The following COL5A3 variants were observed in gnomAD, a reference collection of about 807,000 sequenced individuals.
COL5A3 encodes collagen type V alpha 3 chain.
In COL5A3, 172 loss-of-function variants were observed where a neutral mutation model predicts 250.0. The ratio of observed to expected loss-of-function variants is 0.69; its 90% CI spans 0.61 to 0.78. The LOEUF is 0.78. Ranked by LOEUF, COL5A3 falls within the 30% of genes least tolerant of loss-of-function variation. COL5A3 has a pLI of 0.00. For missense variants in COL5A3, 2,340 were observed against 2,334.4 expected, an observed-to-expected ratio of 1.00 and a Z score of -0.05; for synonymous variants, 937 against 900.4, an observed-to-expected ratio of 1.04 and a Z score of -0.73.
rs760411375 is a variant in COL5A3, at chr19:9,960,652, C to T, written c.5090G>A (p.Arg1697Gln). 35 of 1,613,836 alleles carry T rather than the reference C, an allele frequency of 2.2e-5. No individual in the cohort carries two copies. The highest frequency in any genetic ancestry group is 1.0e-4 in the Admixed American group (6 of 59,988). The change falls in exon 66 of 67, where the codon CGG becomes CAG. Residue 1697 changes from arginine to glutamine, a missense_variant and splice_region_variant. Coordinates refer to ENST00000264828, the MANE Select transcript of COL5A3 (RefSeq NM_015719.4). Reference protein sequence around the residue: ...ATVSVPQDGCRLRKGQTKTLF... With the variant: ...ATVSVPQDGCQLRKGQTKTLF... ...CTGGCCACTGCCCCACCCTCTTACC[C>T]GGCAGCCATCCTGGGGGACGCTGAC...
chr19:9,967,891 A>C lies in COL5A3; in HGVS notation c.4404+13T>G. On this transcript the variant is annotated intron_variant, in intron 61 of 66. Coordinates refer to ENST00000264828, the MANE Select transcript of COL5A3 (RefSeq NM_015719.4). ...CTGGGATGTGTAAGCCCACGGAAGC[A>C]GGGTGTACTCACCGGAGACCCTTTT... The C allele has an allele frequency of 6.2e-7, 1 of 1,612,460 alleles. No individual in the cohort carries two copies. The highest frequency in any genetic ancestry group is 1.1e-5 in the South Asian group (1 of 90,790).
intron 8 of COL5A3, among the ~76,000 whole-genome samples, chr19:9,999,625 C>T (rs112655895): frequency 0.022 from 3,037 of 135,362 alleles, 115 homozygotes; most frequent in African/African-American, 0.086. Context: ...CCACCACGCC[C>T]AGCTAATTTT....
At position 9,977,228 on chromosome 19, in the gene COL5A3, C is replaced by A; in HGVS notation, c.3288+1G>T. 6.2e-7 allele frequency: 1 copy of A among 1,613,786 alleles called. No homozygotes were observed. The highest frequency in any genetic ancestry group is 8.5e-7 in the Non-Finnish European group (1 of 1,179,714). On this transcript the variant is annotated splice_donor_variant, in intron 44 of 66. Transcript: ENST00000264828. LOFTEE classifies it high-confidence loss of function. ...CTGCCCCACTGGGGACCTTCACTCA[C>A]CGCGTCTCCTTTATCGCCTTTACTC...
At chr19:9,971,663 C>G (rs755147417) in intron 51 of COL5A3, among the ~76,000 whole-genome samples, 160 of 152,228 alleles carry the variant, frequency 1.1e-3, no homozygotes, top group Non-Finnish European at 2.1e-3. Flanking sequence ...GATGCTAAAG[C>G]CCCTTCCTGA....
Position 9,968,686 on chromosome 19 carries a change from T to C in COL5A3, c.4195A>G (p.Lys1399Glu). The stretch of plus-strand genomic sequence containing the variant: ...AATGATGTCCTTACCTTTTCCCCCT[T>C]GGGGCCAGTGTCTCCCTTCAGCCCT... ...LPGLKGDTGP[K>E]GEKGHIGLIG... The change falls in exon 58 of 67, where the codon AAG becomes GAG. Residue 1399 changes from lysine (K) to glutamate (E), a missense_variant. This residue lies in a region of COL5A3 where 1,179 missense variants were observed against 1,162.6 expected (regional missense o/e 1.01). Transcript: ENST00000264828. This position sits in a 1 kb window ranked among gnomAD's most constrained non-coding sequence, Gnocchi z 4.1. The C allele has an allele frequency of 6.2e-7, 1 of 1,606,840 alleles. No individual in the cohort carries two copies. Among genetic ancestry groups the C allele is most frequent in the Non-Finnish European group, 8.5e-7 (1 of 1,177,494 alleles).
At chr19:9,999,359 A>ATTTT (rs1260247682) in intron 8 of COL5A3, among the ~76,000 whole-genome samples, 1 of 141,308 alleles carries the variant, frequency 7.1e-6, no homozygotes, top group African/African-American at 2.7e-5. Flanking sequence ...ATGCCCAGCT[A>ATTTT]TTTTTTATTT....
At chr19:10,006,317 T>A (rs2087443444) in intron 1 of COL5A3, 86 bp from the exon 2 acceptor site, 1 of 1,297,732 alleles carries the variant, frequency 7.7e-7, no homozygotes, top group Non-Finnish European at 1.0e-6. Context: ...GGCTCAGGGT[T>A]TTTTTAGGGG....
chr19:10,010,306 G>A lies in COL5A3; in HGVS notation c.80C>T (p.Thr27Met). Residue 27 changes from threonine to methionine, a missense_variant, in exon 1 of 67, where the codon ACG becomes ATG. Thr to Met is a moderately conservative substitution (Grantham distance 81). Around this residue, in one of 3 missense-constraint regions of COL5A3, gnomAD observed 1,152 missense variants for 1,146.3 expected, o/e 1.00. Transcript: ENST00000264828. Reference sequence around the variant, plus strand: ...CTTCCCTCCCGGCTCACCGGCCTGCGTCCCCGGCAGAAGCTGCAGCGCGGC... The same window carrying A: ...CTTCCCTCCCGGCTCACCGGCCTGCATCCCCGGCAGAAGCTGCAGCGCGGC... ...LLAALQLLPG[T>M]QADPVDVLKA... is the part of the protein sequence containing the mutation. 1.4e-6 allele frequency: 2 copies of A among 1,449,660 alleles called. No individual in the cohort carries two copies. Among genetic ancestry groups the A allele is most frequent in the Non-Finnish European group, 1.8e-6 (2 of 1,095,682 alleles). 89.8% of individuals were successfully genotyped at this position (1,449,660 alleles called of 1,614,324 possible). A position where few individuals can be genotyped will look rare whatever the true frequency, so the allele number is the denominator to read the frequency against.
rs566711383 is a variant in COL5A3 at position 9,983,913 on chromosome 19, TA to T, written c.2407-1796del. The stretch of plus-strand genomic sequence containing the variant: ...ATGTAAAGGGAAATCACTGAAAAAA[TA>T]AAAAAAAAAAACCACTGTCAAATCC... On this transcript the variant is annotated intron_variant, in intron 31 of 66. Coordinates refer to ENST00000264828, the MANE Select transcript of COL5A3 (RefSeq NM_015719.4). Among the ~76,000 whole-genome samples the T allele has an allele frequency of 2.0e-3, 264 of 129,436 alleles. 3 individuals are homozygous for T. Among genetic ancestry groups the T allele is most frequent in the African/African-American group, 5.4e-3 (189 of 35,250 alleles). The allele number at this position is 129,436 out of a possible 152,430, so 84.9% of individuals were successfully genotyped here.
At chr19:10,007,311 C>A (rs1486126914) in intron 1 of COL5A3, among the ~76,000 whole-genome samples, 1 of 152,152 alleles carries the variant, frequency 6.6e-6, no homozygotes, top group Non-Finnish European at 1.5e-5. Flanking sequence ...GACCCATGAC[C>A]TCCTCATTTC....
chr19:9,977,209 C>T lies in COL5A3; in HGVS notation c.3288+20G>A. On this transcript the variant is annotated intron_variant, in intron 44 of 66. Transcript: ENST00000264828. ...TTCCGCTACCCACCCCACCCTGCCC[C>T]ACTGGGGACCTTCACTCACCGCGTC... is the stretch of plus-strand genomic sequence containing the variant. 3 of 1,612,936 alleles carry T rather than the reference C, an allele frequency of 1.9e-6. No homozygotes were observed. Among genetic ancestry groups the T allele is most frequent in the Non-Finnish European group, 1.7e-6 (2 of 1,178,928 alleles).
chr19:9,973,518 G>C, intron 50 of COL5A3, 52 bp downstream of exon 50: 1 of 1,563,592 alleles, frequency 6.4e-7, no homozygotes, highest in Non-Finnish European at 8.7e-7. Flanking sequence ...GATGCCCAGG[G>C]GTCAGGGGTT....
rs2086791732 is a variant in COL5A3, at chr19:9,968,914, G to A, written c.4153-186C>T. On this transcript the variant is annotated intron_variant, in intron 57 of 66. Coordinates refer to ENST00000264828, the MANE Select transcript of COL5A3 (RefSeq NM_015719.4). This position sits in a 1 kb window ranked among gnomAD's most constrained non-coding sequence, Gnocchi z 4.1. ...ATGAGAGCTAATGAGGGGTTGACTG[G>A]AGGATGGACAACGTGAGTGGTCAGT... The A allele has an allele frequency of 1.5e-6, 1 of 651,554 alleles. No homozygotes were observed. The highest frequency in any genetic ancestry group is 2.9e-5 in the Admixed American group (1 of 34,432). 40.4% of individuals were successfully genotyped at this position (651,554 alleles called of 1,614,324 possible). A position where few individuals can be genotyped will look rare whatever the true frequency, so the allele number is the denominator to read the frequency against.
chr19:9,979,010 C>T (rs2086965966), intron 39 of COL5A3, 30 bp from the exon 40 acceptor site: 6 of 1,528,382 alleles, frequency 3.9e-6, no homozygotes, highest in Non-Finnish European at 5.3e-6. Context: ...GGAAGTCAAG[C>T]TCCAGGGAGG....
Position 9,970,985 on chromosome 19 carries a change from A to G in COL5A3, c.3872T>C (p.Val1291Ala), listed in dbSNP as rs753485506. 1.3e-6 allele frequency: 2 copies of G among 1,561,022 alleles called. No homozygotes were observed. Among genetic ancestry groups the G allele is most frequent in the Non-Finnish European group, 8.6e-7 (1 of 1,157,974 alleles). ...TGTTTTCCCACTCACCGGTCCCCCAACATCACCAGGGTCTCCCTTCTCCCC... is the reference window on the plus strand; with the variant it reads ...TGTTTTCCCACTCACCGGTCCCCCAGCATCACCAGGGTCTCCCTTCTCCCC... The part of the protein sequence containing the change: ...SPGEKGDPGD[V>A]GGPGPPGASG... The change falls in exon 53 of 67, where the codon GTT becomes GCT. Residue 1291 changes from valine to alanine, a missense_variant. Coordinates refer to ENST00000264828, the MANE Select transcript of COL5A3 (RefSeq NM_015719.4).
In COL5A3 at chr19:9,978,201, A is replaced by G. The variant is rs115009439; in HGVS notation, c.3018+373T>C. Among the ~76,000 whole-genome samples the G allele has an allele frequency of 4.9e-3, 739 of 152,110 alleles. 7 individuals are homozygous for G. The highest frequency in any genetic ancestry group is 0.017 in the African/African-American group (701 of 41,504). On this transcript the variant is annotated intron_variant, in intron 41 of 66. Coordinates refer to ENST00000264828, the MANE Select transcript of COL5A3 (RefSeq NM_015719.4). Reference sequence around the variant, plus strand: ...TGAGGTTTGTGATCATACATGAGATAAGGCTTCCCATCATGGCTATTTTAC... The same window carrying G: ...TGAGGTTTGTGATCATACATGAGATGAGGCTTCCCATCATGGCTATTTTAC...
In COL5A3 at chr19:9,967,340, A is replaced by G. The variant is rs1599528619; in HGVS notation, c.4458+7T>C. The G allele has an allele frequency of 7.0e-7, 1 of 1,427,734 alleles. No individual in the cohort carries two copies. The highest frequency in any genetic ancestry group is 9.1e-7 in the Non-Finnish European group (1 of 1,095,108). The allele number at this position is 1,427,734 out of a possible 1,614,324, so 88.4% of individuals were successfully genotyped here. ...GTGTCCATTCCCCCGCCCCCCGGGG[A>G]ACTCACCGGGGGGCCTGGTGGGCCT... is the stretch of plus-strand genomic sequence containing the variant. On this transcript the variant is annotated splice_region_variant and intron_variant, in intron 62 of 66. Coordinates refer to ENST00000264828, the MANE Select transcript of COL5A3 (RefSeq NM_015719.4).
At chr19:9,999,616 C>CA (rs2087328538) in intron 8 of COL5A3, among the ~76,000 whole-genome samples, 1 of 145,940 alleles carries the variant, frequency 6.9e-6, no homozygotes, top group South Asian at 2.2e-4. Flanking sequence ...AGGCGCCCGC[C>CA]ACCACGCCCA....
At chr19:9,961,361 T>A (rs913674275) in intron 65 of COL5A3, among the ~76,000 whole-genome samples, 1 of 152,070 alleles carries the variant, frequency 6.6e-6, no homozygotes, top group African/African-American at 2.4e-5. Context: ...TATTTAATTT[T>A]TTTTCCTTTT....
Sources: gnomAD v4.1 joint callset for allele counts (sites outside exome capture counted in the v4.1 genomes callset) on GRCh38, gnomAD v4.1.1 for gene constraint, gnomAD v4.1.1 regional missense constraint, Gnocchi (gnomAD v3.1) non-coding constraint, MANE v1.5 for transcripts, NCBI Gene and HGNC (gene_info 2026-07-23, HGNC 2026-07-21) for gene names.